The following EPG5 variants were observed in gnomAD, a reference collection of about 807,000 sequenced individuals.
EPG5 encodes the protein ectopic P granules protein 5 homolog.
Under a neutral mutation model 302.7 loss-of-function variants are expected in EPG5, and 159 were observed. That is an observed-to-expected ratio of 0.53 (90% CI 0.46 to 0.60). The LOEUF (loss-of-function observed/expected upper bound fraction) is 0.60, where lower values mean the gene tolerates loss of function less well. EPG5 is among the 20% of genes least tolerant of loss of function. The pLI is 0.00. For missense variants in EPG5, 2,896 were observed against 3,092.4 expected, an observed-to-expected ratio of 0.94 and a Z score of 1.51; for synonymous variants, 1,158 against 1,136.8, an observed-to-expected ratio of 1.02 and a Z score of -0.37.
At chr18:45,884,857 A>G (rs778544058) in intron 29 of EPG5, 46 bp from the exon 30 acceptor site, 1 of 1,399,102 alleles carries the variant, frequency 7.1e-7, no homozygotes, top group South Asian at 1.5e-5. Flanking sequence ...CTTCCCTCAC[A>G]ACCTTTATTT....
In EPG5 at chr18:45,939,612, A is replaced by G. The variant is rs757588432; in HGVS notation, c.2087T>C (p.Leu696Pro). ...ELFLRAVLHV[L>P]KAKRLGIWLF... ...ATGTCTTACTTACCTTTTGGCCTTC[A>G]GCACATGTAGGACAGCCCTCAAAAA... Residue 696 changes from leucine (L) to proline (P), a missense_variant, in exon 10 of 44, where the codon CTG becomes CCG. By Grantham distance (98) the Leu-to-Pro change is moderately conservative. This residue lies in a region of EPG5 where 1,390 missense variants were observed against 1,430.0 expected (regional missense o/e 0.97). Coordinates refer to ENST00000282041, the MANE Select transcript of EPG5 (RefSeq NM_020964.3). 3.7e-6 allele frequency: 6 copies of G among 1,614,058 alleles called. No homozygotes were observed. In the South Asian group the frequency reaches 5.5e-5, roughly 15 times the overall value.
intron 27 of EPG5, among the ~76,000 whole-genome samples, chr18:45,898,088 G>A (rs552155998): frequency 1.6e-4 from 25 of 152,308 alleles, no homozygotes; most frequent in African/African-American, 4.1e-4. Flanking sequence ...GGCCGGGTGC[G>A]GTGGCTCAGG....
At chr18:45,847,027 A>G (rs1599404736), downstream of EPG5, among the ~76,000 whole-genome samples, 1 of 152,172 alleles carries the variant, frequency 6.6e-6, no homozygotes, top group Non-Finnish European at 1.5e-5. Flanking sequence ...CCAACCCTTC[A>G]ATCTTGTGGT....
At chr18:45,817,233 C>A in the EPG5 span, among the ~76,000 whole-genome samples, 1 of 151,802 alleles carries the variant, frequency 6.6e-6, no homozygotes, top group African/African-American at 2.4e-5. Flanking sequence ...ACTCATGTAA[C>A]CAAACACCAC....
At position 45,860,325 on chromosome 18, in the gene EPG5, T is replaced by TG; in HGVS notation, c.6787dup (p.His2263ProfsTer62). On this transcript the variant is annotated frameshift_variant, in exon 40 of 44. Coordinates refer to ENST00000282041, the MANE Select transcript of EPG5 (RefSeq NM_020964.3). LOFTEE classifies it high-confidence loss of function. Reference sequence around the variant, plus strand: ...CATAAAGAGGCTGCTGAGGGCCATGTGGCGGGTCTGGCTGTCCATGTCTGA... The same window carrying TG: ...CATAAAGAGGCTGCTGAGGGCCATGTGGGCGGGTCTGGCTGTCCATGTCTGA... 1 of 1,614,240 alleles carries TG rather than the reference T, an allele frequency of 6.2e-7. No homozygotes were observed. The highest frequency in any genetic ancestry group is 8.5e-7 in the Non-Finnish European group (1 of 1,180,040).
intron 1 of EPG5, among the ~76,000 whole-genome samples, chr18:45,962,821 T>C (rs190764242): frequency 7.2e-5 from 11 of 152,328 alleles, no homozygotes; most frequent in Admixed American, 7.2e-4. Context: ...ATAACTATAA[T>C]CGAACTATAA....
chr18:45,895,149 G>A (rs2049442396), intron 27 of EPG5, among the ~76,000 whole-genome samples: 1 of 152,138 alleles, frequency 6.6e-6, no homozygotes. Context: ...AATGAAGTAG[G>A]GTAGGGTAAC....
chr18:45,911,611 A>G (rs2049904277), intron 22 of EPG5, among the ~76,000 whole-genome samples: 1 of 151,256 alleles, frequency 6.6e-6, no homozygotes, highest in Non-Finnish European at 1.5e-5. Flanking sequence ...CAAGTTTTCT[A>G]TTTTTAGTAG....
chr18:45,828,750 G>A, the EPG5 span, among the ~76,000 whole-genome samples: 2 of 152,316 alleles, frequency 1.3e-5, no homozygotes, highest in Middle Eastern at 3.4e-3. Flanking sequence ...AGTGGGCAGG[G>A]AGCCTGGGCA....
the EPG5 span, among the ~76,000 whole-genome samples, chr18:45,807,268 C>T: frequency 1.3e-5 from 2 of 152,128 alleles, no homozygotes; most frequent in Admixed American, 6.5e-5. Flanking sequence ...TAGCCCTGCC[C>T]CCACACAATG....
At chr18:45,830,557 T>A in the EPG5 span, among the ~76,000 whole-genome samples, 1 of 151,952 alleles carries the variant, frequency 6.6e-6, no homozygotes, top group Non-Finnish European at 1.5e-5. Flanking sequence ...AGTCCTTTGA[T>A]TTATTTTAGC....
intron 33 of EPG5, among the ~76,000 whole-genome samples, chr18:45,878,651 T>C (rs2049022882): frequency 6.6e-6 from 1 of 152,214 alleles, no homozygotes. Context: ...GAATTTGTAT[T>C]ACAATACAAT....
In EPG5 at chr18:45,952,392, T is replaced by C; in HGVS notation, c.1252+8A>G. ...AACACAAGAAAGAGAGCTTCATTAC[T>C]TACATACCTCGGCCTTGCTGGTGAA... On this transcript the variant is annotated splice_region_variant and intron_variant, in intron 3 of 43. Coordinates refer to ENST00000282041, the MANE Select transcript of EPG5 (RefSeq NM_020964.3). The C allele has an allele frequency of 6.2e-7, 1 of 1,613,406 alleles. No individual in the cohort carries two copies. Among genetic ancestry groups the C allele is most frequent in the Non-Finnish European group, 8.5e-7 (1 of 1,179,714 alleles).
At chr18:45,835,863 A>G in the EPG5 span, among the ~76,000 whole-genome samples, 1 of 152,192 alleles carries the variant, frequency 6.6e-6, no homozygotes, top group South Asian at 2.1e-4. Context: ...GGAAGAGGAC[A>G]GTGAGGATGA....
intron 4 of EPG5, among the ~76,000 whole-genome samples, chr18:45,950,190 G>A (rs1238119554): frequency 6.6e-6 from 1 of 152,128 alleles, no homozygotes; most frequent in Non-Finnish European, 1.5e-5. Context: ...AAGACCAGAA[G>A]TATTTCAGAC....
the EPG5 span, among the ~76,000 whole-genome samples, chr18:45,802,346 C>A: frequency 6.6e-6 from 1 of 152,102 alleles, no homozygotes; most frequent in African/African-American, 2.4e-5. Flanking sequence ...CATGGCAAAA[C>A]CCCATCTCTA....
In EPG5 at chr18:45,848,034, C is replaced by A. The variant is rs1273397350; in HGVS notation, c.*4433G>T. 6.6e-6 allele frequency: 1 copy of A among 151,824 alleles called. No individual in the cohort carries two copies. Among genetic ancestry groups the A allele is most frequent in the Non-Finnish European group, 1.5e-5 (1 of 67,954 alleles). 9.4% of individuals were successfully genotyped at this position (151,824 alleles called of 1,614,324 possible). On this transcript the variant is annotated 3_prime_UTR_variant, in exon 44 of 44. Transcript: ENST00000282041. ...TTTTCATCAGGAATCAGGAACCTACCAGAGTGAAGGAAACCTCAAATACAG... is the reference window on the plus strand; with the variant it reads ...TTTTCATCAGGAATCAGGAACCTACAAGAGTGAAGGAAACCTCAAATACAG...
the EPG5 span, among the ~76,000 whole-genome samples, chr18:45,835,815 C>T: frequency 6.6e-6 from 1 of 152,278 alleles, no homozygotes; most frequent in East Asian, 1.9e-4. Flanking sequence ...ACCTAGAGCA[C>T]ACACCTGGAG....
chr18:45,844,440 G>C (rs995915084), downstream of EPG5, among the ~76,000 whole-genome samples: 28 of 152,134 alleles, frequency 1.8e-4, no homozygotes, highest in African/African-American at 6.5e-4. Context: ...AAGTACTTGA[G>C]GTGATGGATA....
Sources: allele counts gnomAD v4.1 joint callset (sites outside exome capture counted in the v4.1 genomes callset), GRCh38; gene constraint gnomAD v4.1.1; regional missense constraint gnomAD v4.1.1; transcripts MANE v1.5; gene names NCBI Gene and HGNC (gene_info 2026-07-23, HGNC 2026-07-21).